Variants in GALNT2 observed in about 807,000 individuals in gnomAD.
The protein encoded by GALNT2 is polypeptide N-acetylgalactosaminyltransferase 2.
A neutral mutation model predicts 81.4 loss-of-function variants in GALNT2; 31 were observed. The ratio of observed to expected loss-of-function variants is 0.38; its 90% CI spans 0.29 to 0.51. GALNT2 has a LOEUF of 0.51. GALNT2 is among the 20% of genes least tolerant of loss of function. The pLI, the probability that GALNT2 is intolerant of heterozygous loss-of-function variation, is 0.87. For missense variants in GALNT2, 629 were observed against 765.7 expected, an observed-to-expected ratio of 0.82 and a Z score of 2.11; for synonymous variants, 303 against 287.4, an observed-to-expected ratio of 1.05 and a Z score of -0.55.
intron 1 of GALNT2, among the ~76,000 whole-genome samples, chr1:230,123,740 G>A (rs988499675): frequency 5.3e-5 from 8 of 152,196 alleles, no homozygotes; most frequent in Non-Finnish European, 8.8e-5. Context: ...GTGTACTTAT[G>A]TTCTTCTCCT....
chr1:230,107,983 C>T (rs1660590502), intron 1 of GALNT2, among the ~76,000 whole-genome samples: 1 of 152,150 alleles, frequency 6.6e-6, no homozygotes, highest in Non-Finnish European at 1.5e-5. Flanking sequence ...GTGAATGTTA[C>T]CTGCGTGCAT....
intron 1 of GALNT2, among the ~76,000 whole-genome samples, chr1:230,078,579 G>T (rs533219874): frequency 6.6e-6 from 1 of 152,284 alleles, no homozygotes; most frequent in African/African-American, 2.4e-5. Context: ...GATCACGTTA[G>T]ATCCTGACTT....
At chr1:230,071,059 G>A (rs927501994) in intron 1 of GALNT2, among the ~76,000 whole-genome samples, 2 of 152,134 alleles carry the variant, frequency 1.3e-5, no homozygotes, top group African/African-American at 4.8e-5. Context: ...AATACTGTTA[G>A]TGGGTGCTGA....
intron 3 of GALNT2, among the ~76,000 whole-genome samples, chr1:230,225,441 C>G (rs1429879757): frequency 6.6e-6 from 1 of 152,178 alleles, no homozygotes; most frequent in Non-Finnish European, 1.5e-5. Flanking sequence ...TTCCCGTGGC[C>G]CCTTCTGCCT....
At chr1:230,196,585 TGA>T (rs1663702235) in intron 2 of GALNT2, among the ~76,000 whole-genome samples, 2 of 152,066 alleles carry the variant, frequency 1.3e-5, no homozygotes, top group South Asian at 4.1e-4. Context: ...ACCCTAGGAT[TGA>T]GAGAGGGTGG....
At chr1:230,144,614 T>C (rs1380500833) in intron 1 of GALNT2, among the ~76,000 whole-genome samples, 1 of 152,182 alleles carries the variant, frequency 6.6e-6, no homozygotes, top group East Asian at 1.9e-4. Flanking sequence ...GATTTCGCCA[T>C]GCTTATTTTG....
intron 1 of GALNT2, among the ~76,000 whole-genome samples, chr1:230,073,095 C>T (rs566585679): frequency 6.6e-6 from 1 of 152,278 alleles, no homozygotes; most frequent in East Asian, 1.9e-4. Context: ...ATGCAAACCC[C>T]CCTGAATGGG....
rs1294060070 is a variant in GALNT2 at position 230,101,033 on chromosome 1, C to G, written c.126+33627C>G. Among the ~76,000 whole-genome samples, 17 of 152,274 alleles carry G rather than the reference C, an allele frequency of 1.1e-4. 1 individual carries two copies. In the South Asian group the frequency reaches 3.1e-3, roughly 28 times the overall value. On this transcript the variant is annotated intron_variant, in intron 1 of 15. Coordinates refer to ENST00000366672, the MANE Select transcript of GALNT2 (RefSeq NM_004481.5). ...CTACAGTATTCAGGACAGTCACATG[C>G]TATACAGGTTTGTAGCCTAGAAGCA...
chr1:230,175,945 T>C (rs1489612856), intron 1 of GALNT2, among the ~76,000 whole-genome samples: 1 of 152,032 alleles, frequency 6.6e-6, no homozygotes, highest in East Asian at 1.9e-4. Context: ...CCTGGACAAA[T>C]TGCTTAGCCT....
At chr1:230,181,344 T>TA (rs58571381) in intron 2 of GALNT2, among the ~76,000 whole-genome samples, 12,574 of 152,278 alleles carry the variant, frequency 0.083, 777 homozygotes, top group East Asian at 0.26. Context: ...CATCTATTGA[T>TA]ATGATCATGT....
intron 1 of GALNT2, among the ~76,000 whole-genome samples, chr1:230,150,672 G>T (rs988964420): frequency 2.6e-5 from 4 of 152,208 alleles, no homozygotes; most frequent in Admixed American, 1.3e-4. Flanking sequence ...AGACACCTTT[G>T]TGGAGCAGTT....
chr1:230,170,396 A>C (rs1330343142), intron 1 of GALNT2, among the ~76,000 whole-genome samples: 2 of 152,142 alleles, frequency 1.3e-5, no homozygotes, highest in Non-Finnish European at 2.9e-5. Context: ...GAAAGATACC[A>C]CTCTTTCTTG....
At chr1:230,139,487 C>T (rs1410650657) in intron 1 of GALNT2, among the ~76,000 whole-genome samples, 1 of 152,188 alleles carries the variant, frequency 6.6e-6, no homozygotes, top group East Asian at 1.9e-4. Flanking sequence ...ACGCCTCACT[C>T]CTCCTGCCCC....
chr1:230,106,646 G>A (rs1012545744), intron 1 of GALNT2, among the ~76,000 whole-genome samples: 2 of 152,210 alleles, frequency 1.3e-5, no homozygotes, highest in African/African-American at 4.8e-5. Context: ...TCGTAAGAGT[G>A]CATTTGTTGA....
intron 6 of GALNT2, among the ~76,000 whole-genome samples, chr1:230,238,679 TTTCAGATGTTAAACCAGCTTTGCATTCC>T (rs1665105610): frequency 6.6e-6 from 1 of 152,212 alleles, no homozygotes. Flanking sequence ...ATTGGTTGAT[TTTCAGATGTTAAACCAGCTTTGCATTCC>T]TAGCATAAGC....
At chr1:230,139,997 C>G (rs1467899392) in intron 1 of GALNT2, among the ~76,000 whole-genome samples, 2 of 152,328 alleles carry the variant, frequency 1.3e-5, no homozygotes, top group East Asian at 3.9e-4. Flanking sequence ...CCCAGCCTTC[C>G]TCAGACATCC....
intron 1 of GALNT2, among the ~76,000 whole-genome samples, chr1:230,126,098 A>G (rs1223398238): frequency 6.6e-6 from 1 of 152,138 alleles, no homozygotes; most frequent in Non-Finnish European, 1.5e-5. Flanking sequence ...TGGAACAGAA[A>G]CCCTGAGCCA....
At position 230,274,454 on chromosome 1, in the gene GALNT2, T is replaced by A; in HGVS notation, c.1450T>A (p.Leu484Met). ...TGGTTTTGTGTTCCAGGAATGGGCC[T>A]TGACGAAGGAGAAGTCGGTGAAGCA... The part of the protein sequence containing the change: ...HNAGGNQEWA[L>M]TKEKSVKHMD... Residue 484 changes from leucine to methionine, a missense_variant, in exon 15 of 16, where the codon TTG becomes ATG. By Grantham distance (15) the Leu-to-Met change is conservative (BLOSUM62 2). This residue lies in a region of GALNT2 where 207 missense variants were observed against 225.5 expected (regional missense o/e 0.92). Coordinates refer to ENST00000366672, the MANE Select transcript of GALNT2 (RefSeq NM_004481.5). The A allele has an allele frequency of 6.2e-7, 1 of 1,613,560 alleles. No individual in the cohort carries two copies. Among genetic ancestry groups the A allele is most frequent in the Non-Finnish European group, 8.5e-7 (1 of 1,179,718 alleles).
At chr1:230,274,191 T>A (rs1354072106) in intron 14 of GALNT2, among the ~76,000 whole-genome samples, 1 of 152,260 alleles carries the variant, frequency 6.6e-6, no homozygotes, top group Non-Finnish European at 1.5e-5. Flanking sequence ...TTATTTTAGT[T>A]ACTGAGGTCC....
Sources: allele counts gnomAD v4.1 joint callset (sites outside exome capture counted in the v4.1 genomes callset), GRCh38; gene constraint gnomAD v4.1.1; regional missense constraint gnomAD v4.1.1; transcripts MANE v1.5; gene names NCBI Gene and HGNC (gene_info 2026-07-23, HGNC 2026-07-21).